The following KCNC2 variants were observed in gnomAD, a reference collection of about 807,000 sequenced individuals.
KCNC2 encodes potassium voltage-gated channel subfamily C member 2.
In KCNC2, 21 loss-of-function variants were observed where a neutral mutation model predicts 44.5. The ratio of observed to expected loss-of-function variants is 0.47; its 90% confidence interval spans 0.33 to 0.68. The LOEUF is 0.68. Among genes scored for constraint, KCNC2 ranks in the 30% least tolerant of loss-of-function variants. The probability of loss-of-function intolerance (pLI) is 0.01; values close to 1 mark genes in which losing one functional copy is unlikely to be tolerated. For missense variants in KCNC2, 589 were observed against 826.2 expected, an observed-to-expected ratio of 0.71 and a Z score of 3.52; for synonymous variants, 391 against 339.1, an observed-to-expected ratio of 1.15 and a Z score of -1.68.
At chr12:75,204,377 G>C (rs1269370448) in intron 2 of KCNC2, among the ~76,000 whole-genome samples, 1 of 151,930 alleles carries the variant, frequency 6.6e-6, no homozygotes, top group Non-Finnish European at 1.5e-5. Flanking sequence ...CCGTTGTTTT[G>C]TCTGCCATTT....
chr12:75,078,815 T>C (rs957219967), intron 2 of KCNC2, among the ~76,000 whole-genome samples: 1 of 152,182 alleles, frequency 6.6e-6, no homozygotes, highest in African/African-American at 2.4e-5. Context: ...ATCTACATTC[T>C]TGCTCTATTA....
At chr12:75,111,232 T>C (rs1284280167) in intron 2 of KCNC2, among the ~76,000 whole-genome samples, 1 of 152,212 alleles carries the variant, frequency 6.6e-6, no homozygotes, top group Non-Finnish European at 1.5e-5. Context: ...GTGCATGTAT[T>C]CTTCACCCTC....
At chr12:75,145,713 A>G (rs966531614) in intron 2 of KCNC2, among the ~76,000 whole-genome samples, 4 of 152,098 alleles carry the variant, frequency 2.6e-5, no homozygotes, top group East Asian at 1.9e-4. Context: ...CTTGTTGTAT[A>G]TTCTGGTAAA....
rs762200208 is a variant in KCNC2 at position 75,207,666 on chromosome 12, C to A, written c.318G>T (p.Arg106=). Residue 106 remains arginine (R), a synonymous_variant, in exon 2 of 5, where the codon CGG becomes CGT. Coordinates refer to ENST00000549446, the MANE Select transcript of KCNC2 (RefSeq NM_139137.4). The surrounding 1 kb of genome is among the most constrained non-coding windows in gnomAD (Gnocchi z 4.1). ...GCACATAGGCGAAGACGCCCGGGTG[C>A]CGGTCGAAGAAGAACTCGCGGCCGC... ...PGGGREFFFD[R]HPGVFAYVLN... The A allele has an allele frequency of 6.2e-7, 1 of 1,610,096 alleles. No homozygotes were observed. Among genetic ancestry groups the A allele is most frequent in the Non-Finnish European group, 8.5e-7 (1 of 1,179,168 alleles).
chr12:75,130,781 TAA>T (rs1224440806), intron 2 of KCNC2, among the ~76,000 whole-genome samples: 44 of 122,592 alleles, frequency 3.6e-4, no homozygotes, highest in African/African-American at 8.5e-4. Flanking sequence ...CTCCTAGTAA[TAA>T]AAAAAAAAAA....
At chr12:75,179,031 C>G (rs1565667903) in intron 2 of KCNC2, among the ~76,000 whole-genome samples, 1 of 151,718 alleles carries the variant, frequency 6.6e-6, no homozygotes, top group Non-Finnish European at 1.5e-5. Flanking sequence ...AATCTCCTTT[C>G]AAGGTTCATA....
intron 2 of KCNC2, among the ~76,000 whole-genome samples, chr12:75,077,244 G>A (rs764018047): frequency 7.2e-5 from 11 of 151,978 alleles, no homozygotes; most frequent in Non-Finnish European, 1.0e-4. Flanking sequence ...CATTTTCTGG[G>A]GGAAAAATCA....
At chr12:75,109,914 A>C (rs1280477639) in intron 2 of KCNC2, among the ~76,000 whole-genome samples, 1 of 152,154 alleles carries the variant, frequency 6.6e-6, no homozygotes, top group Non-Finnish European at 1.5e-5. Flanking sequence ...AAATTGGTAG[A>C]GGAAATGAAA....
At chr12:75,153,699 C>G (rs1212609715) in intron 2 of KCNC2, among the ~76,000 whole-genome samples, 1 of 151,336 alleles carries the variant, frequency 6.6e-6, no homozygotes, top group African/African-American at 2.4e-5. Flanking sequence ...TTAATGATAA[C>G]AATTAACACA....
At position 75,202,795 on chromosome 12, in the gene KCNC2, G is replaced by GTTT. The variant is rs34542718; in HGVS notation, c.687+4499_687+4501dup. On this transcript the variant is annotated intron_variant, in intron 2 of 4. Transcript: ENST00000549446. ...TGTGTCAGGCAATATTCCTATGTGA[G>GTTT]TTTTTTTTTTTTAGGAAAATGTATT... 8.4e-3 allele frequency among the ~76,000 whole-genome samples: 1,235 copies of GTTT among 146,228 alleles called. 34 individuals carry two copies. Among genetic ancestry groups the GTTT allele is most frequent in the East Asian group, 0.046 (232 of 5,004 alleles).
intron 2 of KCNC2, among the ~76,000 whole-genome samples, chr12:75,188,812 T>A (rs570950818): frequency 2.0e-5 from 3 of 151,818 alleles, no homozygotes; most frequent in Admixed American, 1.3e-4. Flanking sequence ...TGAACCGAGA[T>A]CATGCCACTG....
At chr12:75,078,541 T>C (rs1041734607) in intron 2 of KCNC2, among the ~76,000 whole-genome samples, 1 of 152,200 alleles carries the variant, frequency 6.6e-6, no homozygotes, top group African/African-American at 2.4e-5. Context: ...GAGGCCTTAC[T>C]ATACAAATAG....
chr12:75,084,321 T>TAGAC lies in KCNC2; in HGVS notation c.688-33005_688-33004insGTCT, dbSNP rs1467115811. On this transcript the variant is annotated intron_variant, in intron 2 of 4. Transcript: ENST00000549446. ...ATAGATAGATAGATAGATAGATAGA[T>TAGAC]AGATAGATAGATATACTATTATGTG... 8.4e-3 allele frequency among the ~76,000 whole-genome samples: 1,276 copies of TAGAC among 151,770 alleles called. 17 individuals are homozygous for TAGAC. Among genetic ancestry groups the TAGAC allele is most frequent in the African/African-American group, 0.029 (1,202 of 41,338 alleles).
rs1480699970 is a variant in KCNC2 at position 75,041,494 on chromosome 12, A to G, written c.*1611T>C. 1 of 1,194,740 alleles carries G rather than the reference A, an allele frequency of 8.4e-7. No homozygotes were observed. The highest frequency in any genetic ancestry group is 1.0e-6 in the Non-Finnish European group (1 of 953,020). The allele number at this position is 1,194,740 out of a possible 1,614,324, so 74.0% of individuals were successfully genotyped here. A position where few individuals can be genotyped will look rare whatever the true frequency, so the allele number is the denominator to read the frequency against. On this transcript the variant is annotated 3_prime_UTR_variant, in exon 5 of 5. Transcript: ENST00000549446. ...GAAATAGGAATTAATCAGCAGTCTC[A>G]AGGCTCCCAAATGCCTTAGTGATAT... is the stretch of plus-strand genomic sequence containing the variant.
chr12:75,070,451 C>CAAA (rs11304908), intron 2 of KCNC2, among the ~76,000 whole-genome samples: 1 of 142,642 alleles, frequency 7.0e-6, no homozygotes. Context: ...AACTCCATCT[C>CAAA]AAAAAAAAAA....
intron 2 of KCNC2, among the ~76,000 whole-genome samples, chr12:75,171,202 A>T (rs968619522): frequency 2.9e-4 from 44 of 151,868 alleles, no homozygotes; most frequent in African/African-American, 1.0e-3. Flanking sequence ...GTTAAACTCA[A>T]CTGATTAGGA....
intron 2 of KCNC2, among the ~76,000 whole-genome samples, chr12:75,126,428 C>T (rs1288551707): frequency 6.6e-6 from 1 of 152,112 alleles, no homozygotes; most frequent in Non-Finnish European, 1.5e-5. Context: ...AAGAATACAA[C>T]TTGAATAAAG....
rs1022320262 is a variant in KCNC2, at chr12:75,170,146, A to T, written c.687+37151T>A. Among the ~76,000 whole-genome samples, 41 of 151,898 alleles carry T rather than the reference A, an allele frequency of 2.7e-4. 1 individual carries two copies. Among genetic ancestry groups the T allele is most frequent in the Middle Eastern group, 6.8e-3 (2 of 294 alleles). On this transcript the variant is annotated intron_variant, in intron 2 of 4. Coordinates refer to ENST00000549446, the MANE Select transcript of KCNC2 (RefSeq NM_139137.4). Reference sequence around the variant, plus strand: ...ACTAGAATTCCAAGCTCAGAATATAACAAAAAAGTAGATGAAAATGGCTTA... The same window carrying T: ...ACTAGAATTCCAAGCTCAGAATATATCAAAAAAGTAGATGAAAATGGCTTA...
chr12:75,116,891 G>A (rs183473374), intron 2 of KCNC2, among the ~76,000 whole-genome samples: 16 of 152,196 alleles, frequency 1.1e-4, no homozygotes, highest in South Asian at 2.1e-4. Context: ...ACAGCTTTGC[G>A]TTCATCATCT....
Sources: allele counts gnomAD v4.1 joint callset (sites outside exome capture counted in the v4.1 genomes callset), GRCh38; gene constraint gnomAD v4.1.1; non-coding constraint Gnocchi (gnomAD v3.1); transcripts MANE v1.5; gene names NCBI Gene and HGNC (gene_info 2026-07-23, HGNC 2026-07-21).